RGS12: variants seen among roughly 807,000 people sequenced by gnomAD.
RGS12 encodes the protein regulator of G protein signaling 12.
Under a neutral mutation model 120.1 loss-of-function variants are expected in RGS12, and 66 were observed. That is an observed-to-expected ratio of 0.55 (90% CI 0.45 to 0.67). The LOEUF is 0.67. Ranked by LOEUF, RGS12 falls within the 30% of genes least tolerant of loss-of-function variation. RGS12 has a pLI of 0.00. For synonymous variants in RGS12, 827 were observed against 804.7 expected, an observed-to-expected ratio of 1.03 and a Z score of -0.47; for missense variants, 1,859 against 1,957.7, an observed-to-expected ratio of 0.95 and a Z score of 0.95.
rs938517264 is a variant in RGS12, at chr4:3,420,819, G to A, written c.2838+101G>A. On this transcript the variant is annotated intron_variant, in intron 10 of 17. Coordinates refer to ENST00000336727, the MANE Select transcript of RGS12 (RefSeq NM_001394154.1). ...TGGAAACCTGTGTTTACAAAACTCA[G>A]CGTTCACTTTGTAAAGCTGGGGGAC... 1.0e-5 allele frequency: 11 copies of A among 1,056,196 alleles called. No individual in the cohort carries two copies. In the Admixed American group the frequency reaches 1.4e-4, roughly 13 times the overall value. The allele number at this position is 1,056,196 out of a possible 1,614,324, so 65.4% of individuals were successfully genotyped here.
chr4:3,375,789 T>G (rs373778099), intron 3 of RGS12, among the ~76,000 whole-genome samples: 1 of 151,980 alleles, frequency 6.6e-6, no homozygotes, highest in Non-Finnish European at 1.5e-5. Flanking sequence ...CGGGATGAGC[T>G]CCTGGTGGCC....
At chr4:3,439,188 C>G (rs992240022) in intron 17 of RGS12, among the ~76,000 whole-genome samples, 2 of 152,070 alleles carry the variant, frequency 1.3e-5, no homozygotes, top group Non-Finnish European at 2.9e-5. Flanking sequence ...AGTGGGGAAG[C>G]AGGGTGGTAG....
intron 3 of RGS12, among the ~76,000 whole-genome samples, chr4:3,352,864 C>T (rs888775693): frequency 6.6e-6 from 1 of 152,184 alleles, no homozygotes; most frequent in Non-Finnish European, 1.5e-5. Context: ...AACATAGTGA[C>T]TCCGTTTTGA....
chr4:3,400,737 TACTC>T (rs1720501662), intron 4 of RGS12, among the ~76,000 whole-genome samples: 1 of 149,140 alleles, frequency 6.7e-6, no homozygotes, highest in Non-Finnish European at 1.5e-5. Context: ...TCATTAGTAA[TACTC>T]ATTAGTATTA....
chr4:3,317,360 T>C lies in RGS12; in HGVS notation c.1190T>C (p.Ile397Thr). Residue 397 changes from isoleucine to threonine, a missense_variant, in exon 2 of 18, where the codon ATT becomes ACT. Ile to Thr is a moderately conservative substitution (Grantham distance 89). Coordinates refer to ENST00000336727, the MANE Select transcript of RGS12 (RefSeq NM_001394154.1). ...CTGTACCGAGACATGGGTGAGCTGA[T>C]TGAGGGCATGCGGGCCCGCGCCTTT... ...SVLYRDMGELIEGMRARAFLD... is the reference protein window; with the variant it reads ...SVLYRDMGELTEGMRARAFLD... 1.2e-6 allele frequency: 2 copies of C among 1,614,070 alleles called. No homozygotes were observed. The highest frequency in any genetic ancestry group is 2.2e-5 in the East Asian group (1 of 44,872).
At chr4:3,287,344 C>A in the RGS12 span, among the ~76,000 whole-genome samples, 1 of 152,072 alleles carries the variant, frequency 6.6e-6, no homozygotes, top group South Asian at 2.1e-4. Flanking sequence ...CAAGGCACAT[C>A]ACATGGTCTG....
At chr4:3,424,752 T>C (rs1249439998) in intron 13 of RGS12, among the ~76,000 whole-genome samples, 1 of 152,212 alleles carries the variant, frequency 6.6e-6, no homozygotes, top group Non-Finnish European at 1.5e-5. Flanking sequence ...CGCTGTCTCC[T>C]GACCTCTCCA....
chr4:3,422,615 T>C, intron 11 of RGS12, 45 bp downstream of exon 11: 1 of 1,567,612 alleles, frequency 6.4e-7, no homozygotes, highest in Non-Finnish European at 8.7e-7. Context: ...GGCCATGACC[T>C]CCCCGCTCCC....
intron 9 of RGS12, 51 bp downstream of exon 9, chr4:3,417,592 C>T (rs1722550465): frequency 1.3e-6 from 2 of 1,587,032 alleles, no homozygotes; most frequent in Non-Finnish European, 1.7e-6. Flanking sequence ...CAGCCGCGTC[C>T]CCGTCCTGGC....
At chr4:3,406,539 G>C (rs1721147314) in intron 4 of RGS12, among the ~76,000 whole-genome samples, 1 of 152,208 alleles carries the variant, frequency 6.6e-6, no homozygotes, top group Non-Finnish European at 1.5e-5. Flanking sequence ...GTGTCAGTGG[G>C]ATGGCCATGC....
At chr4:3,368,558 CAT>C (rs543529630) in intron 3 of RGS12, among the ~76,000 whole-genome samples, 5 of 74,764 alleles carry the variant, frequency 6.7e-5, no homozygotes, top group South Asian at 9.5e-4. Flanking sequence ...GTGTGGGGTG[CAT>C]GTGTGTGTGT....
At chr4:3,332,473 C>T (rs1036571813) in intron 2 of RGS12, among the ~76,000 whole-genome samples, 2 of 152,248 alleles carry the variant, frequency 1.3e-5, no homozygotes, top group Non-Finnish European at 2.9e-5. Context: ...AAGAATTACT[C>T]ATAACGCACT....
intron 3 of RGS12, among the ~76,000 whole-genome samples, chr4:3,379,004 GATGT>G (rs1375959429): frequency 5.3e-4 from 58 of 109,224 alleles, no homozygotes; most frequent in African/African-American, 1.8e-3. Context: ...GGAAATGTGC[GATGT>G]GTGTGTGTGT....
At chr4:3,305,554 C>G (rs891548574) in intron 1 of RGS12, among the ~76,000 whole-genome samples, 1 of 152,236 alleles carries the variant, frequency 6.6e-6, no homozygotes, top group Non-Finnish European at 1.5e-5. Context: ...GTCAGCTCAT[C>G]CAACCACAGC....
chr4:3,424,808 G>A (rs1466435089), intron 13 of RGS12, among the ~76,000 whole-genome samples: 2 of 152,248 alleles, frequency 1.3e-5, no homozygotes, highest in Admixed American at 6.5e-5. Context: ...TGGAGAAGGC[G>A]GGACCTGGGG....
intron 3 of RGS12, chr4:3,370,020 A>G: frequency 1.6e-6 from 2 of 1,250,714 alleles, no homozygotes; most frequent in Non-Finnish European, 2.0e-6. Flanking sequence ...GGTAGAGGAA[A>G]TAGTTTAAAA....
chr4:3,405,005 A>C (rs889734651), intron 4 of RGS12, among the ~76,000 whole-genome samples: 3 of 152,242 alleles, frequency 2.0e-5, no homozygotes, highest in Non-Finnish European at 1.5e-5. Context: ...CTGAGCTTCC[A>C]AAAAAGAAAG....
At chr4:3,407,851 C>T (rs1721324641) in intron 4 of RGS12, among the ~76,000 whole-genome samples, 2 of 152,212 alleles carry the variant, frequency 1.3e-5, no homozygotes, top group African/African-American at 2.4e-5. Flanking sequence ...ACATTTGTAA[C>T]GTAACCTACA....
At chr4:3,303,314 C>T (rs1578679017) in intron 1 of RGS12, among the ~76,000 whole-genome samples, 2 of 152,276 alleles carry the variant, frequency 1.3e-5, no homozygotes, top group East Asian at 1.9e-4. Flanking sequence ...AGGTGAGCCT[C>T]GGTACGGCGA....
Sources: allele counts gnomAD v4.1 joint callset (sites outside exome capture counted in the v4.1 genomes callset), GRCh38; gene constraint gnomAD v4.1.1; transcripts MANE v1.5; gene names NCBI Gene and HGNC (gene_info 2026-07-23, HGNC 2026-07-21).